Variants in POC1B observed in about 807,000 individuals in gnomAD.
POC1B encodes the protein POC1 centriolar protein homolog B.
Under a neutral mutation model 60.6 loss-of-function variants are expected in POC1B, and 44 were observed. That is an observed-to-expected ratio of 0.73 (90% confidence interval 0.57 to 0.93). The LOEUF is 0.93. Among genes scored for constraint, POC1B ranks in the 40% least tolerant of loss-of-function variants. The pLI is 0.00. For missense variants in POC1B, 555 were observed against 572.3 expected (o/e 0.97, Z 0.31); for synonymous variants, 180 against 198.9 (o/e 0.90, Z 0.80).
chr12:89,433,351 G>A (rs1329359466), intron 10 of POC1B, among the ~76,000 whole-genome samples: 1 of 152,128 alleles, frequency 6.6e-6, no homozygotes, highest in Admixed American at 6.5e-5. Flanking sequence ...ATAACTACTC[G>A]ATAAATGGGC....
intron 2 of POC1B, among the ~76,000 whole-genome samples, chr12:89,515,867 T>G (rs1181406012): frequency 3.3e-5 from 5 of 152,230 alleles, no homozygotes; most frequent in Admixed American, 1.3e-4. Flanking sequence ...AACCTTCATT[T>G]CTCTCCTTAT....
intron 3 of POC1B, among the ~76,000 whole-genome samples, chr12:89,495,878 C>T (rs1260171325): frequency 6.6e-6 from 1 of 152,110 alleles, no homozygotes; most frequent in Non-Finnish European, 1.5e-5. Flanking sequence ...TCTCTTGCCT[C>T]AGCCTCCCGA....
intron 4 of POC1B, among the ~76,000 whole-genome samples, chr12:89,473,666 G>GAAAAAAA (rs1163868772): frequency 2.3e-3 from 254 of 108,898 alleles, no homozygotes; most frequent in Middle Eastern, 6.7e-3. Context: ...CCTCAGAAAA[G>GAAAAAAA]AAAAAAAAAA....
chr12:89,406,917 G>A, the POC1B span, among the ~76,000 whole-genome samples: 2 of 151,848 alleles, frequency 1.3e-5, no homozygotes, highest in African/African-American at 2.4e-5. Context: ...AGGTGGAGAC[G>A]ATAGGATCAC....
intron 4 of POC1B, among the ~76,000 whole-genome samples, chr12:89,477,508 C>T (rs1325785722): frequency 6.6e-6 from 1 of 152,004 alleles, no homozygotes; most frequent in African/African-American, 2.4e-5. Context: ...ATGAATTCAC[C>T]CTCTTCCTCT....
Position 89,423,519 on chromosome 12 carries a change from T to C in POC1B, c.1332+1642A>G, listed in dbSNP as rs968874804. 5.3e-5 allele frequency among the ~76,000 whole-genome samples: 8 copies of C among 152,326 alleles called. No individual in the cohort carries two copies. In the East Asian group the frequency reaches 1.5e-3, roughly 29 times the overall value. On this transcript the variant is annotated intron_variant, in intron 11 of 11. Coordinates refer to ENST00000313546, the MANE Select transcript of POC1B (RefSeq NM_172240.3). ...TTATTATTAACACCTTTAACACTGG[T>C]TAACTCCATCTGTCTACCATCTAAA...
At chr12:89,524,864 T>C (rs1871287399) in intron 2 of POC1B, 2 of 619,578 alleles carry the variant, frequency 3.2e-6, no homozygotes, top group South Asian at 2.0e-5. Context: ...CTCCTCCTGG[T>C]GGTTAGTTTG....
intron 2 of POC1B, among the ~76,000 whole-genome samples, chr12:89,497,963 A>C (rs887517390): frequency 9.2e-5 from 14 of 152,164 alleles, no homozygotes; most frequent in Non-Finnish European, 2.1e-4. Flanking sequence ...TTGTTCCTGA[A>C]CCATTTAGGA....
intron 2 of POC1B, chr12:89,524,315 T>TC (rs1871215912): frequency 3.1e-6 from 5 of 1,613,768 alleles, no homozygotes; most frequent in Non-Finnish European, 3.4e-6. Context: ...TTGCTGGCTT[T>TC]CCCCCACTCC....
the POC1B span, among the ~76,000 whole-genome samples, chr12:89,409,491 T>G: frequency 6.6e-6 from 1 of 152,178 alleles, no homozygotes; most frequent in Non-Finnish European, 1.5e-5. Context: ...TATATCTGTT[T>G]TGGTACCAGT....
intron 4 of POC1B, among the ~76,000 whole-genome samples, chr12:89,487,615 T>A (rs752219742): frequency 9.2e-5 from 14 of 152,154 alleles, no homozygotes; most frequent in Non-Finnish European, 1.8e-4. Context: ...CAGGCAGGCA[T>A]ATGAATATTG....
chr12:89,486,725 A>G (rs1868649478), intron 4 of POC1B, among the ~76,000 whole-genome samples: 1 of 152,196 alleles, frequency 6.6e-6, no homozygotes, highest in Admixed American at 6.5e-5. Context: ...CAATGGTGCT[A>G]AAACTACAGC....
chr12:89,457,993 G>A (rs1030519778), intron 10 of POC1B, among the ~76,000 whole-genome samples: 7 of 152,186 alleles, frequency 4.6e-5, no homozygotes, highest in African/African-American at 1.7e-4. Context: ...CTAAGAGGCA[G>A]TTATGCCCAC....
rs1001933093 is a variant in POC1B, at chr12:89,505,074, C to T, written c.101-7732G>A. ...AGAAGATACCCATATGGTCAATAAA[C>T]ATATGAAAATGTGCTCAATTCCATT... On this transcript the variant is annotated intron_variant, in intron 2 of 11. Transcript: ENST00000313546. 2.6e-5 allele frequency among the ~76,000 whole-genome samples: 4 copies of T among 152,176 alleles called. No individual in the cohort carries two copies. The South Asian group carries it at 8.3e-4, about 31-fold the overall frequency.
rs1046367919 is a variant in POC1B at position 89,525,872 on chromosome 12, C to A, written c.15+9G>T. The stretch of plus-strand genomic sequence containing the variant: ...GGAGGGACCCCCCCCACCTCCAACC[C>A]GTCCTTACCGTGGCTGAGGCCATCG... On this transcript the variant is annotated intron_variant, in intron 1 of 11. Transcript: ENST00000313546. 6.9e-7 allele frequency: 1 copy of A among 1,445,446 alleles called. No homozygotes were observed. Among genetic ancestry groups the A allele is most frequent in the Non-Finnish European group, 9.1e-7 (1 of 1,093,534 alleles). 89.5% of individuals were successfully genotyped at this position (1,445,446 alleles called of 1,614,324 possible).
intron 2 of POC1B, among the ~76,000 whole-genome samples, chr12:89,512,183 T>C (rs751183681): frequency 1.3e-5 from 2 of 152,224 alleles, no homozygotes; most frequent in Non-Finnish European, 2.9e-5. Context: ...AAGCACTGCA[T>C]AATAATACAA....
chr12:89,511,415 C>CAAA (rs796324772), intron 2 of POC1B, among the ~76,000 whole-genome samples: 8 of 104,530 alleles, frequency 7.7e-5, no homozygotes, highest in African/African-American at 2.6e-4. Context: ...GACTCTGTCT[C>CAAA]AAAAAAAAAA....
intron 10 of POC1B, chr12:89,426,889 G>A (rs554258746): frequency 2.7e-5 from 4 of 149,726 alleles, no homozygotes; most frequent in Admixed American, 2.0e-4. Flanking sequence ...ATCATTGAAA[G>A]AAATAAAAGA....
At chr12:89,475,910 C>CTTTTTTTTTTTTTTTTTTTTTT (rs972058107) in intron 4 of POC1B, among the ~76,000 whole-genome samples, 4 of 86,140 alleles carry the variant, frequency 4.6e-5, no homozygotes, top group South Asian at 4.4e-4. Context: ...TGAGGGAATT[C>CTTTTTTTTTTTTTTTTTTTTTT]TTTTTTTTTT....
Sources: allele counts gnomAD v4.1 joint callset (sites outside exome capture counted in the v4.1 genomes callset), GRCh38; gene constraint gnomAD v4.1.1; transcripts MANE v1.5; gene names NCBI Gene and HGNC (gene_info 2026-07-23, HGNC 2026-07-21).